Variants in TEX11 observed in about 807,000 individuals in gnomAD.
TEX11 encodes the protein testis expressed 11.
TEX11 carries 7 observed loss-of-function variants against 84.4 expected under a neutral mutation model. The observed-to-expected ratio is 0.08, with a 90% CI of 0.05 to 0.16. The LOEUF (loss-of-function observed/expected upper bound fraction) is 0.16, where lower values mean the gene tolerates loss of function less well. Among genes scored for constraint, TEX11 ranks in the 10% least tolerant of loss-of-function variants. TEX11 has a pLI of 1.00. For synonymous variants in TEX11, 264 were observed against 222.8 expected, an observed-to-expected ratio of 1.18 and a Z score of -1.64; for missense variants, 551 against 660.5, an observed-to-expected ratio of 0.83 and a Z score of 1.82.
intron 9 of TEX11, among the ~76,000 whole-genome samples, chrX:70,750,300 T>C (rs187052404): frequency 9.6e-4 from 107 of 111,147 alleles, no homozygotes; most frequent in Admixed American, 5.5e-3. Context: ...TGTGGAGAAA[T>C]AGGAACGCTT....
chrX:70,727,628 A>G (rs1038823874), intron 11 of TEX11, among the ~76,000 whole-genome samples: 1 of 111,646 alleles, frequency 9.0e-6, no homozygotes, highest in Non-Finnish European at 1.9e-5. Flanking sequence ...CATATATTGA[A>G]TATCTAATCC....
At chrX:70,905,591 AAC>A (rs1247568769) in intron 2 of TEX11, among the ~76,000 whole-genome samples, 1 of 111,658 alleles carries the variant, frequency 9.0e-6, no homozygotes, top group Non-Finnish European at 1.9e-5. Flanking sequence ...AACTCTCAGA[AAC>A]ACAGTGTTCG....
intron 17 of TEX11, among the ~76,000 whole-genome samples, chrX:70,631,356 T>C (rs1161972611): frequency 8.9e-6 from 1 of 112,340 alleles, no homozygotes; most frequent in Non-Finnish European, 1.9e-5. Flanking sequence ...CTGGAAAATC[T>C]GCAAATATTT....
intron 14 of TEX11, among the ~76,000 whole-genome samples, chrX:70,680,579 T>TA (rs34908221): frequency 9.0e-5 from 8 of 89,329 alleles, no homozygotes; most frequent in South Asian, 1.1e-3. Context: ...AATGATCAAT[T>TA]AAAAAAAAAA....
At chrX:70,791,124 T>C (rs1772162717) in intron 9 of TEX11, among the ~76,000 whole-genome samples, 1 of 110,985 alleles carries the variant, frequency 9.0e-6, no homozygotes, top group Non-Finnish European at 1.9e-5. Flanking sequence ...CTTTAAGAGA[T>C]GCATCTCACA....
chrX:70,518,540 C>G, the TEX11 span, among the ~76,000 whole-genome samples: 1 of 111,769 alleles, frequency 8.9e-6, no homozygotes, highest in Admixed American at 9.6e-5. Context: ...GCTTTACTTC[C>G]AACTATGTGG....
chrX:70,730,297 TAAC>T (rs1390359063), intron 11 of TEX11, among the ~76,000 whole-genome samples: 1 of 111,819 alleles, frequency 8.9e-6, no homozygotes, highest in Non-Finnish European at 1.9e-5. Flanking sequence ...AATTCACGCA[TAAC>T]AACATTAACC....
At chrX:70,781,904 T>G (rs1323909901) in intron 9 of TEX11, among the ~76,000 whole-genome samples, 3 of 111,503 alleles carry the variant, frequency 2.7e-5, no homozygotes, top group Non-Finnish European at 5.6e-5. Flanking sequence ...CAGGATATTA[T>G]CCAGGAGAAC....
chrX:70,594,986 C>A (rs1046967111), intron 24 of TEX11, among the ~76,000 whole-genome samples: 1 of 111,422 alleles, frequency 9.0e-6, no homozygotes, highest in African/African-American at 3.3e-5. Context: ...ATCCAGAGAC[C>A]ATATAGTAAC....
chrX:70,837,825 T>C (rs1015472303), intron 7 of TEX11, among the ~76,000 whole-genome samples: 3 of 111,908 alleles, frequency 2.7e-5, no homozygotes, highest in Admixed American at 1.9e-4. Flanking sequence ...GAAACTGTTC[T>C]GTATCTTGAT....
At chrX:70,591,546 T>C (rs913662006) in intron 25 of TEX11, among the ~76,000 whole-genome samples, 5 of 110,692 alleles carry the variant, frequency 4.5e-5, no homozygotes, top group Non-Finnish European at 7.6e-5. Context: ...GAGGTTGCAG[T>C]GAGCCAAGAT....
At chrX:70,607,501 C>T (rs1413145182) in intron 22 of TEX11, among the ~76,000 whole-genome samples, 1 of 110,433 alleles carries the variant, frequency 9.1e-6, no homozygotes, top group Non-Finnish European at 1.9e-5. Flanking sequence ...TCCCAGAAGA[C>T]TGACACCAGG....
At chrX:70,774,211 C>T (rs138852694) in intron 9 of TEX11, among the ~76,000 whole-genome samples, 21 of 102,991 alleles carry the variant, frequency 2.0e-4, no homozygotes, top group Non-Finnish European at 3.5e-4. Flanking sequence ...GCACAAACTA[C>T]AAAGAATAAA....
At chrX:70,648,934 T>C (rs758917569) in intron 17 of TEX11, among the ~76,000 whole-genome samples, 53 of 110,667 alleles carry the variant, frequency 4.8e-4, no homozygotes, top group Non-Finnish European at 8.5e-4. Context: ...GTTCTCATTG[T>C]TCATCTCCCT....
At chrX:70,840,655 A>G (rs2091437327) in intron 7 of TEX11, among the ~76,000 whole-genome samples, 1 of 111,419 alleles carries the variant, frequency 9.0e-6, no homozygotes, top group Non-Finnish European at 1.9e-5. Context: ...TAAATGGGCT[A>G]AATGCTCCAA....
chrX:70,890,561 C>A (rs915509095), intron 2 of TEX11, among the ~76,000 whole-genome samples: 5 of 112,954 alleles, frequency 4.4e-5, no homozygotes, highest in East Asian at 2.8e-4. Flanking sequence ...TGTTCCATGC[C>A]TGGCTTGGCA....
chrX:70,836,224 T>C (rs1033336894), intron 7 of TEX11, among the ~76,000 whole-genome samples: 2 of 111,263 alleles, frequency 1.8e-5, no homozygotes, highest in East Asian at 2.8e-4. Context: ...GAAATTAACA[T>C]GCTGATCTTA....
intron 25 of TEX11, among the ~76,000 whole-genome samples, chrX:70,562,261 T>C (rs752541688): frequency 8.9e-6 from 1 of 111,808 alleles, no homozygotes; most frequent in African/African-American, 3.2e-5. Flanking sequence ...TTTATTAGGC[T>C]CTTATCTTTT....
At chrX:70,563,392 C>A (rs917386511) in intron 25 of TEX11, among the ~76,000 whole-genome samples, 3 of 111,832 alleles carry the variant, frequency 2.7e-5, no homozygotes, top group African/African-American at 9.7e-5. Context: ...CTGAAGAAGA[C>A]AGAGCTTAAC....
Sources: gnomAD v4.1 joint callset for allele counts (sites outside exome capture counted in the v4.1 genomes callset) on GRCh38, gnomAD v4.1.1 for gene constraint, MANE v1.5 for transcripts, NCBI Gene and HGNC (gene_info 2026-07-23, HGNC 2026-07-21) for gene names.